The following SH3PXD2B variants were observed in gnomAD, a reference collection of about 807,000 sequenced individuals.
The protein encoded by SH3PXD2B is SH3 and PX domains 2B.
In SH3PXD2B, 37 loss-of-function variants were observed where a neutral mutation model predicts 73.1. The observed-to-expected ratio is 0.51, with a 90% CI of 0.39 to 0.67. The LOEUF is 0.67. Ranked by LOEUF, SH3PXD2B falls within the 30% of genes least tolerant of loss-of-function variation. The probability of loss-of-function intolerance (pLI) is 0.00; values close to 1 mark genes in which losing one functional copy is unlikely to be tolerated. For synonymous variants in SH3PXD2B, 457 were observed against 480.5 expected (o/e 0.95, Z 0.64); for missense variants, 1,053 against 1,197.8 (o/e 0.88, Z 1.78).
intron 12 of SH3PXD2B, among the ~76,000 whole-genome samples, chr5:172,326,544 A>C (rs1756450059): frequency 6.6e-6 from 1 of 152,176 alleles, no homozygotes; most frequent in Non-Finnish European, 1.5e-5. Context: ...TTTCATGATC[A>C]TGTTGAGGGA....
chr5:172,355,548 CT>C (rs777611778), intron 8 of SH3PXD2B, among the ~76,000 whole-genome samples: 5,987 of 140,094 alleles, frequency 0.043, 180 homozygotes, highest in South Asian at 0.2. Flanking sequence ...ATTTTCTTTT[CT>C]TTTTTTTTTT....
chr5:172,425,789 C>T (rs1430258183), intron 1 of SH3PXD2B, among the ~76,000 whole-genome samples: 2 of 152,036 alleles, frequency 1.3e-5, no homozygotes, highest in Non-Finnish European at 1.5e-5. Context: ...TGTGTGGAAA[C>T]GGCTTGAAGA....
chr5:172,441,232 C>G (rs1036752469), intron 1 of SH3PXD2B, among the ~76,000 whole-genome samples: 1 of 152,136 alleles, frequency 6.6e-6, no homozygotes, highest in Non-Finnish European at 1.5e-5. Context: ...GAAGAAGATA[C>G]CGAGGTTCTG....
At chr5:172,387,603 T>C (rs773348044) in intron 4 of SH3PXD2B, among the ~76,000 whole-genome samples, 9 of 152,182 alleles carry the variant, frequency 5.9e-5, no homozygotes, top group Non-Finnish European at 1.0e-4. Flanking sequence ...GCCTCTAGAA[T>C]GTGGTTGCAT....
chr5:172,405,305 G>A (rs181599236), intron 3 of SH3PXD2B, among the ~76,000 whole-genome samples: 15 of 152,374 alleles, frequency 9.8e-5, no homozygotes, highest in Admixed American at 9.8e-4. Context: ...GCTTGTATAT[G>A]TGACGAGCTA....
At position 172,395,663 on chromosome 5, in the gene SH3PXD2B, G is replaced by A. The variant is rs142598463; in HGVS notation, c.233-1024C>T. On this transcript the variant is annotated intron_variant, in intron 3 of 12. Coordinates refer to ENST00000311601, the MANE Select transcript of SH3PXD2B (RefSeq NM_001017995.3). Reference sequence around the variant, plus strand: ...TATCCTCTCTTGGGGAGATAGTGGCGAAGCATATGCACTAAGGGTTAAGAC... The same window carrying A: ...TATCCTCTCTTGGGGAGATAGTGGCAAAGCATATGCACTAAGGGTTAAGAC... Among the ~76,000 whole-genome samples the A allele has an allele frequency of 3.0e-3, 456 of 152,254 alleles. 4 individuals are homozygous for A. Among genetic ancestry groups the A allele is most frequent in the African/African-American group, 0.01 (424 of 41,534 alleles).
intron 2 of SH3PXD2B, among the ~76,000 whole-genome samples, chr5:172,410,667 G>A (rs899136438): frequency 1.3e-5 from 2 of 152,158 alleles, no homozygotes; most frequent in Admixed American, 6.5e-5. Flanking sequence ...CAAACGCTTT[G>A]GGAGGCAACT....
At chr5:172,424,111 C>T (rs562643988) in intron 1 of SH3PXD2B, among the ~76,000 whole-genome samples, 4 of 152,302 alleles carry the variant, frequency 2.6e-5, no homozygotes, top group African/African-American at 7.2e-5. Context: ...AGCTTACATC[C>T]AGCTCTGCCT....
chr5:172,439,256 A>ACC (rs1561583357), intron 1 of SH3PXD2B, among the ~76,000 whole-genome samples: 4 of 70,298 alleles, frequency 5.7e-5, no homozygotes, highest in East Asian at 3.5e-4. Flanking sequence ...AAAAAGAAAA[A>ACC]AAAAAAACAA....
intron 4 of SH3PXD2B, among the ~76,000 whole-genome samples, chr5:172,382,879 C>T (rs1265691067): frequency 1.3e-5 from 2 of 151,228 alleles, no homozygotes; most frequent in African/African-American, 4.9e-5. Flanking sequence ...TAGGCATGTG[C>T]TACCATGCCT....
intron 6 of SH3PXD2B, among the ~76,000 whole-genome samples, chr5:172,370,638 G>A (rs1757681579): frequency 6.6e-6 from 1 of 152,204 alleles, no homozygotes; most frequent in Non-Finnish European, 1.5e-5. Context: ...TTCCATGGCA[G>A]TAGCTTAGAC....
In SH3PXD2B at chr5:172,338,611, T is replaced by A; in HGVS notation, c.2494A>T (p.Ile832Phe). ...GCTGCTTTCTCCCTGTTTTCTCCAA[T>A]CTTGCCGGTCCCCCATGGCCCCAGG... ...GSLGPWGTGK[I>F]GENREKAAAA... The change falls in exon 13 of 13, where the codon ATT becomes TTT. Residue 832 changes from isoleucine to phenylalanine, a missense_variant. Physicochemically the swap from Ile to Phe is conservative, Grantham distance 21. This residue lies in a region of SH3PXD2B where 587 missense variants were observed against 590.7 expected (regional missense o/e 0.99). Coordinates refer to ENST00000311601, the MANE Select transcript of SH3PXD2B (RefSeq NM_001017995.3). The surrounding 1 kb of genome is among the most constrained non-coding windows in gnomAD (Gnocchi z 5.1). 6.2e-7 allele frequency: 1 copy of A among 1,614,120 alleles called. No individual in the cohort carries two copies. Among genetic ancestry groups the A allele is most frequent in the Non-Finnish European group, 8.5e-7 (1 of 1,180,006 alleles).
chr5:172,336,804 G>A lies in SH3PXD2B; in HGVS notation c.*1565C>T. 1.0e-6 allele frequency: 1 copy of A among 985,612 alleles called. No individual in the cohort carries two copies. 61.1% of individuals were successfully genotyped at this position (985,612 alleles called of 1,614,324 possible). The stretch of plus-strand genomic sequence containing the variant: ...CTGGGAGCTAGAAATGCTGGGTCCT[G>A]ATTTTGCTTCTGCAGTGATTTAGTC... On this transcript the variant is annotated 3_prime_UTR_variant, in exon 13 of 13. Transcript: ENST00000311601.
chr5:172,404,134 C>G (rs1561925313), intron 3 of SH3PXD2B, among the ~76,000 whole-genome samples: 1 of 152,102 alleles, frequency 6.6e-6, no homozygotes, highest in Non-Finnish European at 1.5e-5. Context: ...AAGGATTCTC[C>G]CAGTGGAGGA....
At chr5:172,444,838 G>A (rs1245092664) in intron 1 of SH3PXD2B, among the ~76,000 whole-genome samples, 1 of 152,130 alleles carries the variant, frequency 6.6e-6, no homozygotes, top group East Asian at 1.9e-4. Context: ...CTGGCCCCGA[G>A]CCCTGGCCTC....
At chr5:172,390,283 A>T (rs926785821) in intron 4 of SH3PXD2B, among the ~76,000 whole-genome samples, 1 of 152,258 alleles carries the variant, frequency 6.6e-6, no homozygotes, top group Non-Finnish European at 1.5e-5. Flanking sequence ...GATTTCATAT[A>T]AACAGAATCA....
At chr5:172,441,735 C>T (rs544769157) in intron 1 of SH3PXD2B, among the ~76,000 whole-genome samples, 10 of 152,184 alleles carry the variant, frequency 6.6e-5, no homozygotes, top group East Asian at 3.9e-4. Flanking sequence ...CCTCCCTTCC[C>T]GCTGAGCTTG....
intron 4 of SH3PXD2B, among the ~76,000 whole-genome samples, chr5:172,385,259 G>A (rs1397200612): frequency 6.6e-6 from 1 of 152,152 alleles, no homozygotes. Context: ...TGCTTTGTGT[G>A]CAAATATCTT....
intron 6 of SH3PXD2B, among the ~76,000 whole-genome samples, chr5:172,371,329 A>G (rs573669358): frequency 6.6e-6 from 1 of 152,332 alleles, no homozygotes; most frequent in African/African-American, 2.4e-5. Context: ...TAGTGAGAAG[A>G]TTCATTTTCT....
Sources: allele counts gnomAD v4.1 joint callset (sites outside exome capture counted in the v4.1 genomes callset), GRCh38; gene constraint gnomAD v4.1.1; regional missense constraint gnomAD v4.1.1; non-coding constraint Gnocchi (gnomAD v3.1); transcripts MANE v1.5; gene names NCBI Gene and HGNC (gene_info 2026-07-23, HGNC 2026-07-21).